CNTNAP5: variants seen among roughly 807,000 people sequenced by gnomAD.
CNTNAP5 encodes the protein contactin associated protein family member 5.
Under a neutral mutation model 150.2 loss-of-function variants are expected in CNTNAP5, and 72 were observed. The observed-to-expected ratio is 0.48, with a 90% confidence interval of 0.40 to 0.58. The LOEUF (loss-of-function observed/expected upper bound fraction) is 0.58, where lower values mean the gene tolerates loss of function less well. Among genes scored for constraint, CNTNAP5 ranks in the 20% least tolerant of loss-of-function variants. CNTNAP5 has a pLI of 0.00. For synonymous variants in CNTNAP5, 672 were observed against 619.8 expected, an observed-to-expected ratio of 1.08 and a Z score of -1.25; for missense variants, 1,636 against 1,626.2, an observed-to-expected ratio of 1.01 and a Z score of -0.10.
chr2:124,428,875 T>A (rs1692302438), intron 4 of CNTNAP5, among the ~76,000 whole-genome samples: 1 of 145,788 alleles, frequency 6.9e-6, no homozygotes, highest in Admixed American at 6.8e-5. Flanking sequence ...TTCAGTTTTA[T>A]GTTTTTGGTA....
At chr2:124,300,303 A>T (rs918007420) in intron 3 of CNTNAP5, among the ~76,000 whole-genome samples, 36 of 152,190 alleles carry the variant, frequency 2.4e-4, no homozygotes, top group Non-Finnish European at 4.4e-5. Flanking sequence ...GAACCCAAAC[A>T]TTTCCGTAAT....
chr2:124,585,769 C>A (rs1046098363), intron 11 of CNTNAP5, among the ~76,000 whole-genome samples: 3 of 138,814 alleles, frequency 2.2e-5, no homozygotes, highest in African/African-American at 5.4e-5. Flanking sequence ...TGAAGCAGAT[C>A]TTTTAGTACC....
At chr2:124,398,890 G>A (rs932608187) in intron 3 of CNTNAP5, among the ~76,000 whole-genome samples, 1 of 152,138 alleles carries the variant, frequency 6.6e-6, no homozygotes, top group Non-Finnish European at 1.5e-5. Context: ...GGAAGGACAC[G>A]ATGAAGATGA....
At chr2:124,451,421 T>A (rs1692980046) in intron 6 of CNTNAP5, among the ~76,000 whole-genome samples, 1 of 152,030 alleles carries the variant, frequency 6.6e-6, no homozygotes, top group South Asian at 2.1e-4. Context: ...ATAAAAAATT[T>A]CGTCTATGTA....
intron 4 of CNTNAP5, among the ~76,000 whole-genome samples, chr2:124,425,530 C>G (rs531400837): frequency 6.6e-6 from 1 of 152,156 alleles, no homozygotes; most frequent in African/African-American, 2.4e-5. Flanking sequence ...CATAGTGAAA[C>G]CTTTTGCTAA....
At chr2:124,027,876 T>C (rs915691002) in intron 1 of CNTNAP5, among the ~76,000 whole-genome samples, 1 of 152,184 alleles carries the variant, frequency 6.6e-6, no homozygotes, top group African/African-American at 2.4e-5. Flanking sequence ...AGCTCTGAAC[T>C]TGATATATTT....
chr2:124,792,158 A>G (rs1681748916), intron 18 of CNTNAP5, among the ~76,000 whole-genome samples: 1 of 152,186 alleles, frequency 6.6e-6, no homozygotes, highest in African/African-American at 2.4e-5. Flanking sequence ...TATATCTTGG[A>G]TAGAATTAGG....
At chr2:124,862,723 C>T (rs1469627578) in intron 19 of CNTNAP5, among the ~76,000 whole-genome samples, 1 of 152,144 alleles carries the variant, frequency 6.6e-6, no homozygotes, top group African/African-American at 2.4e-5. Flanking sequence ...CAGCTCTGAC[C>T]CACATCCCTT....
At chr2:124,370,384 C>CT (rs898742164) in intron 3 of CNTNAP5, among the ~76,000 whole-genome samples, 1 of 152,034 alleles carries the variant, frequency 6.6e-6, no homozygotes, top group Non-Finnish European at 1.5e-5. Context: ...CGGTCATATA[C>CT]TTGGGTATTC....
At chr2:124,803,165 C>T (rs1022444130) in intron 19 of CNTNAP5, among the ~76,000 whole-genome samples, 5 of 149,218 alleles carry the variant, frequency 3.4e-5, no homozygotes, top group East Asian at 3.9e-4. Flanking sequence ...GTTAAAAAAA[C>T]GAATGTCATC....
At chr2:124,110,035 CAT>C (rs768720471) in intron 1 of CNTNAP5, among the ~76,000 whole-genome samples, 20 of 152,204 alleles carry the variant, frequency 1.3e-4, no homozygotes, top group Non-Finnish European at 2.5e-4. Context: ...GTAGGCCACA[CAT>C]GTGTTCAGTC....
At chr2:124,475,288 T>C (rs1222382118) in intron 7 of CNTNAP5, among the ~76,000 whole-genome samples, 2 of 152,136 alleles carry the variant, frequency 1.3e-5, no homozygotes, top group African/African-American at 2.4e-5. Flanking sequence ...AAATAGTTCC[T>C]TTTAAATGAG....
chr2:124,044,499 A>G (rs1314210584), intron 1 of CNTNAP5, among the ~76,000 whole-genome samples: 1 of 152,178 alleles, frequency 6.6e-6, no homozygotes. Flanking sequence ...TAGAACACCA[A>G]TTCTAAACCA....
intron 6 of CNTNAP5, among the ~76,000 whole-genome samples, chr2:124,472,721 A>G (rs1486562613): frequency 6.6e-6 from 1 of 151,906 alleles, no homozygotes; most frequent in African/African-American, 2.4e-5. Context: ...TGTTTATACT[A>G]TATTATAGTC....
At chr2:124,434,197 T>G (rs1692465720) in intron 4 of CNTNAP5, among the ~76,000 whole-genome samples, 1 of 152,186 alleles carries the variant, frequency 6.6e-6, no homozygotes, top group African/African-American at 2.4e-5. Context: ...CTTGCGGTAT[T>G]TTCACCCTGT....
intron 12 of CNTNAP5, among the ~76,000 whole-genome samples, chr2:124,622,634 T>A (rs962674042): frequency 1.3e-5 from 2 of 151,924 alleles, no homozygotes; most frequent in Non-Finnish European, 2.9e-5. Context: ...CAGCGTCTGT[T>A]GTTTTTACTT....
intron 1 of CNTNAP5, among the ~76,000 whole-genome samples, chr2:124,109,284 T>C (rs1376341268): frequency 6.6e-6 from 1 of 152,312 alleles, no homozygotes; most frequent in African/African-American, 2.4e-5. Context: ...TCTCTGCCTC[T>C]GGATGCCCCA....
chr2:124,475,474 G>C (rs1243159768), intron 7 of CNTNAP5, among the ~76,000 whole-genome samples: 1 of 151,998 alleles, frequency 6.6e-6, no homozygotes, highest in Non-Finnish European at 1.5e-5. Flanking sequence ...AACGTTGTAG[G>C]TGCTCAATAA....
intron 1 of CNTNAP5, among the ~76,000 whole-genome samples, chr2:124,151,378 G>C (rs72980513): frequency 0.017 from 2,580 of 152,162 alleles, 61 homozygotes; most frequent in African/African-American, 0.059. Flanking sequence ...CCTTCTCTAC[G>C]CTTCCTCATG....
Sources: allele counts gnomAD v4.1 joint callset (sites outside exome capture counted in the v4.1 genomes callset), GRCh38; gene constraint gnomAD v4.1.1; transcripts MANE v1.5; gene names NCBI Gene and HGNC (gene_info 2026-07-23, HGNC 2026-07-21).